SLC5A1: variants seen among roughly 807,000 people sequenced by gnomAD.
SLC5A1 encodes the protein sodium/glucose cotransporter 1.
A neutral mutation model predicts 73.5 loss-of-function variants in SLC5A1; 42 were observed. The observed-to-expected ratio is 0.57, with a 90% CI of 0.45 to 0.74. SLC5A1 has a LOEUF of 0.74. Among genes scored for constraint, SLC5A1 ranks in the 30% least tolerant of loss-of-function variants. The pLI, the probability that SLC5A1 is intolerant of heterozygous loss-of-function variation, is 0.00. For synonymous variants in SLC5A1, 300 were observed against 317.4 expected (o/e 0.95, Z 0.58); for missense variants, 634 against 855.4 (o/e 0.74, Z 3.23).
rs533311773 is a variant in SLC5A1 at position 32,043,511 on chromosome 22, C to T, written c.135+95C>T. 110 of 1,355,280 alleles carry T rather than the reference C, an allele frequency of 8.1e-5. No homozygotes were observed. Among genetic ancestry groups the T allele is most frequent in the Non-Finnish European group, 1.0e-4 (97 of 962,246 alleles). The allele number at this position is 1,355,280 out of a possible 1,614,324, so 84.0% of individuals were successfully genotyped here. A position where few individuals can be genotyped will look rare whatever the true frequency, so the allele number is the denominator to read the frequency against. On this transcript the variant is annotated intron_variant, in intron 1 of 14. Transcript: ENST00000266088. This position sits in a 1 kb window ranked among gnomAD's most constrained non-coding sequence, Gnocchi z 6.5. ...TGCAAGGGGCAGTAGGCTTAAGTGTCGGTGGAGGGGAGAGGAAATGACTTG... is the reference window on the plus strand; with the variant it reads ...TGCAAGGGGCAGTAGGCTTAAGTGTTGGTGGAGGGGAGAGGAAATGACTTG...
chr22:32,071,300 A>C (rs1383334557), intron 5 of SLC5A1, among the ~76,000 whole-genome samples: 1 of 152,076 alleles, frequency 6.6e-6, no homozygotes, highest in Non-Finnish European at 1.5e-5. Flanking sequence ...AAAAATAAAA[A>C]ATATTAGCCA....
intron 12 of SLC5A1, among the ~76,000 whole-genome samples, chr22:32,100,531 G>T (rs2094034538): frequency 6.6e-6 from 1 of 151,458 alleles, no homozygotes. Context: ...CTAATTTGTT[G>T]AGTTTTTATT....
At chr22:32,059,437 A>C in intron 2 of SLC5A1, 1 of 760,536 alleles carries the variant, frequency 1.3e-6, no homozygotes, top group Non-Finnish European at 1.6e-6. Flanking sequence ...GTGTTTTTAT[A>C]GACAGAGCTT....
chr22:32,098,154 G>A (rs2094029408), intron 11 of SLC5A1, among the ~76,000 whole-genome samples: 1 of 152,176 alleles, frequency 6.6e-6, no homozygotes, highest in African/African-American at 2.4e-5. Flanking sequence ...TCATAAAGTT[G>A]GATGTCCATC....
rs1603111931 is a variant in SLC5A1, at chr22:32,062,333, G to C, written c.208-4602G>C. 1.3e-5 allele frequency among the ~76,000 whole-genome samples: 2 copies of C among 152,144 alleles called. 1 individual carries two copies. The highest frequency in any genetic ancestry group is 3.8e-4 in the East Asian group (2 of 5,200). On this transcript the variant is annotated intron_variant, in intron 2 of 14. Coordinates refer to ENST00000266088, the MANE Select transcript of SLC5A1 (RefSeq NM_000343.4). ...ATCTCCCCTCCCACCAACCTTCCAGGATAGGACATCTACGTGGTAAAATGT... is the reference window on the plus strand; with the variant it reads ...ATCTCCCCTCCCACCAACCTTCCAGCATAGGACATCTACGTGGTAAAATGT...
At chr22:32,055,993 A>G (rs1389626723) in intron 2 of SLC5A1, among the ~76,000 whole-genome samples, 1 of 152,166 alleles carries the variant, frequency 6.6e-6, no homozygotes. Context: ...AAACGCTAGC[A>G]AATGGGGCCC....
intron 14 of SLC5A1, among the ~76,000 whole-genome samples, chr22:32,108,069 C>A (rs966062616): frequency 1.3e-5 from 2 of 151,966 alleles, no homozygotes; most frequent in African/African-American, 4.8e-5. Context: ...CTTTCCAGAA[C>A]AGGAAAATGT....
intron 11 of SLC5A1, among the ~76,000 whole-genome samples, chr22:32,098,901 A>G (rs1271691384): frequency 1.3e-5 from 2 of 151,680 alleles, no homozygotes; most frequent in Admixed American, 6.6e-5. Flanking sequence ...CCTGGCTAAC[A>G]TGGTGAAACC....
At chr22:32,067,938 T>C (rs1396782185) in intron 3 of SLC5A1, 29 bp from the exon 4 acceptor site, 5 of 1,613,730 alleles carry the variant, frequency 3.1e-6, no homozygotes, top group Non-Finnish European at 3.4e-6. Context: ...TTCCTCCTAA[T>C]TTGAGTCCAC....
At chr22:32,070,229 C>CCCCT (rs2093980610) in intron 5 of SLC5A1, among the ~76,000 whole-genome samples, 1 of 26,582 alleles carries the variant, frequency 3.8e-5, no homozygotes, top group African/African-American at 1.5e-4. Context: ...CCCTCCCCTC[C>CCCCT]CCCCTCCCCT....
intron 5 of SLC5A1, among the ~76,000 whole-genome samples, chr22:32,069,124 C>A (rs1006734265): frequency 2.6e-5 from 4 of 152,084 alleles, no homozygotes; most frequent in Non-Finnish European, 5.9e-5. Context: ...AATATGCTGT[C>A]CATGTCCATA....
At position 32,112,399 on chromosome 22, in the gene SLC5A1, A is replaced by G. The variant is rs544113395; in HGVS notation, c.*2186A>G. ...CCTCAGGTTCCTCCAAGCATAATGCAGACTTCACAGAGCTGTTGTAAAGAT... is the reference window on the plus strand; with the variant it reads ...CCTCAGGTTCCTCCAAGCATAATGCGGACTTCACAGAGCTGTTGTAAAGAT... On this transcript the variant is annotated 3_prime_UTR_variant, in exon 15 of 15. Coordinates refer to ENST00000266088, the MANE Select transcript of SLC5A1 (RefSeq NM_000343.4). 1 of 152,324 alleles carries G rather than the reference A, an allele frequency of 6.6e-6. No homozygotes were observed. The highest frequency in any genetic ancestry group is 1.5e-5 in the Non-Finnish European group (1 of 68,038). The allele number at this position is 152,324 out of a possible 1,614,324, so 9.4% of individuals were successfully genotyped here. A position where few individuals can be genotyped will look rare whatever the true frequency, so the allele number is the denominator to read the frequency against.
intron 1 of SLC5A1, among the ~76,000 whole-genome samples, chr22:32,049,152 TATTATATATA>T (rs879687468): frequency 0.042 from 6,058 of 143,218 alleles, 212 homozygotes; most frequent in Non-Finnish European, 0.068. Flanking sequence ...ATATAATCTA[TATTATATATA>T]ATCTATATCT....
At chr22:32,055,929 C>A (rs904806910) in intron 2 of SLC5A1, among the ~76,000 whole-genome samples, 2 of 152,228 alleles carry the variant, frequency 1.3e-5, no homozygotes, top group African/African-American at 4.8e-5. Context: ...GCAAGACCTG[C>A]ACTCTTGTTA....
intron 2 of SLC5A1, among the ~76,000 whole-genome samples, chr22:32,062,802 T>C (rs2899174): frequency 0.045 from 6,822 of 151,904 alleles, 206 homozygotes; most frequent in Non-Finnish European, 0.07. Context: ...GCAACAGGAG[T>C]GGCAGTGTAA....
chr22:32,087,983 C>G (rs1796031117), intron 10 of SLC5A1, among the ~76,000 whole-genome samples: 1 of 152,144 alleles, frequency 6.6e-6, no homozygotes. Flanking sequence ...AATTAAAAAA[C>G]TACAAACTTC....
At chr22:32,097,673 G>A (rs1297983743) in intron 11 of SLC5A1, among the ~76,000 whole-genome samples, 3 of 152,116 alleles carry the variant, frequency 2.0e-5, no homozygotes, top group Non-Finnish European at 4.4e-5. Context: ...AGGAGGAGAA[G>A]AAGAAAACAA....
intron 11 of SLC5A1, among the ~76,000 whole-genome samples, chr22:32,098,723 T>G (rs2094030340): frequency 1.3e-5 from 2 of 152,150 alleles, no homozygotes; most frequent in Non-Finnish European, 2.9e-5. Flanking sequence ...TGGTTATATT[T>G]GCTGCTGGTA....
intron 1 of SLC5A1, among the ~76,000 whole-genome samples, chr22:32,048,150 T>TAAA (rs35309167): frequency 3.1e-5 from 3 of 96,512 alleles, no homozygotes; most frequent in African/African-American, 1.2e-4. Context: ...AGACTCCATG[T>TAAA]AAAAAAAAAA....
Sources: gnomAD v4.1 joint callset for allele counts (sites outside exome capture counted in the v4.1 genomes callset) on GRCh38, gnomAD v4.1.1 for gene constraint, Gnocchi (gnomAD v3.1) non-coding constraint, MANE v1.5 for transcripts, NCBI Gene and HGNC (gene_info 2026-07-23, HGNC 2026-07-21) for gene names.